Variants in RSPH3 observed in about 807,000 individuals in gnomAD.
The protein encoded by RSPH3 is radial spoke head 3.
Under a neutral mutation model 43.8 loss-of-function variants are expected in RSPH3, and 21 were observed. That is an observed-to-expected ratio of 0.48 (90% CI 0.34 to 0.69). The LOEUF (loss-of-function observed/expected upper bound fraction) is 0.69. Among genes scored for constraint, RSPH3 ranks in the 30% least tolerant of loss-of-function variants. The probability of loss-of-function intolerance (pLI) is 0.01; values close to 1 mark genes in which losing one functional copy is unlikely to be tolerated. For synonymous variants in RSPH3, 173 were observed against 179.8 expected (o/e 0.96, Z 0.30); for missense variants, 487 against 516.0 (o/e 0.94, Z 0.54).
rs756661840 is a variant in RSPH3 at position 158,977,745 on chromosome 6, T to C, written c.1050A>G (p.Ala350=). ...CAGAGGCCTCCAGTGACTCTGTCAT[T>C]GCTCCAGGACCACCAGGCTCATCCT... ...EPEDEPGGPG[A]MTESLEASEF... Residue 350 remains alanine (A), a synonymous_variant, in exon 8 of 8, where the codon GCA becomes GCG. Coordinates refer to ENST00000367069, the MANE Select transcript of RSPH3 (RefSeq NM_031924.8). 3.7e-6 allele frequency: 6 copies of C among 1,614,178 alleles called. No individual in the cohort carries two copies. In the South Asian group the frequency reaches 5.5e-5, roughly 15 times the overall value.
rs1018821122 is a variant in RSPH3 at position 158,989,196 on chromosome 6, G to A, written c.205-2775C>T. ...CAAGTAGCTGGGATTACAGGTGCCCGCCACCATGCCTGGCTAATTTTTGTA... is the reference window on the plus strand; with the variant it reads ...CAAGTAGCTGGGATTACAGGTGCCCACCACCATGCCTGGCTAATTTTTGTA... On this transcript the variant is annotated intron_variant, in intron 2 of 7. Transcript: ENST00000367069. This position sits in a 1 kb window ranked among gnomAD's most constrained non-coding sequence, Gnocchi z 4.3. Among the ~76,000 whole-genome samples the A allele has an allele frequency of 3.9e-5, 6 of 151,920 alleles. No individual in the cohort carries two copies. Among genetic ancestry groups the A allele is most frequent in the Non-Finnish European group, 7.4e-5 (5 of 67,966 alleles).
intron 3 of RSPH3, among the ~76,000 whole-genome samples, chr6:158,985,388 T>A (rs933761363): frequency 2.6e-5 from 4 of 152,214 alleles, no homozygotes; most frequent in African/African-American, 9.6e-5. Context: ...TGTTGGGCTA[T>A]GAGAAAGGAT....
At chr6:158,965,597 A>G in the RSPH3 span, among the ~76,000 whole-genome samples, 17 of 152,084 alleles carry the variant, frequency 1.1e-4, no homozygotes, top group Non-Finnish European at 2.4e-4. Flanking sequence ...TTCATTGCCA[A>G]TGTATAAAAA....
At chr6:158,980,320 C>T (rs891222795) in intron 6 of RSPH3, among the ~76,000 whole-genome samples, 1 of 151,882 alleles carries the variant, frequency 6.6e-6, no homozygotes, top group African/African-American at 2.4e-5. Flanking sequence ...CTCAGCTACT[C>T]GGAAGGCCGA....
intron 2 of RSPH3, among the ~76,000 whole-genome samples, chr6:158,992,457 G>GT (rs35383020): frequency 0.088 from 11,269 of 127,836 alleles, 612 homozygotes; most frequent in African/African-American, 0.13. Flanking sequence ...TTTTTGTGGG[G>GT]TTTTTTTTTT....
chr6:158,977,348 A>G lies in RSPH3; in HGVS notation c.*190T>C. 1 of 545,420 alleles carries G rather than the reference A, an allele frequency of 1.8e-6. No individual in the cohort carries two copies. Among genetic ancestry groups the G allele is most frequent in the Non-Finnish European group, 3.2e-6 (1 of 312,296 alleles). 33.8% of individuals were successfully genotyped at this position (545,420 alleles called of 1,614,324 possible). Reference sequence around the variant, plus strand: ...ATATAGCCTTTGAATATTCTATTAAATAAATGAATTCAATTTAAGTTTCAT... The same window carrying G: ...ATATAGCCTTTGAATATTCTATTAAGTAAATGAATTCAATTTAAGTTTCAT... On this transcript the variant is annotated 3_prime_UTR_variant, in exon 8 of 8. Coordinates refer to ENST00000367069, the MANE Select transcript of RSPH3 (RefSeq NM_031924.8).
the RSPH3 span, among the ~76,000 whole-genome samples, chr6:158,964,336 G>A: frequency 1.3e-5 from 2 of 152,152 alleles, no homozygotes; most frequent in Non-Finnish European, 2.9e-5. Flanking sequence ...AAGGATCAAT[G>A]GGATTAGATG....
the RSPH3 span, among the ~76,000 whole-genome samples, chr6:158,964,060 A>T: frequency 2.0e-5 from 3 of 152,210 alleles, no homozygotes; most frequent in Non-Finnish European, 4.4e-5. Context: ...ACCCTATTCA[A>T]ACAATGAGGG....
At chr6:158,981,036 A>G in intron 5 of RSPH3, 100 bp from the exon 6 acceptor site, 1 of 1,155,474 alleles carries the variant, frequency 8.7e-7, no homozygotes, top group Non-Finnish European at 1.2e-6. Flanking sequence ...TTATCAAAAA[A>G]TGGACAGCGA....
intron 2 of RSPH3, among the ~76,000 whole-genome samples, chr6:158,992,072 T>G (rs1171101121): frequency 6.7e-5 from 10 of 148,962 alleles, no homozygotes; most frequent in African/African-American, 2.0e-4. Context: ...TTTTTTTTTG[T>G]AGACAGGGTC....
intron 6 of RSPH3, 29 bp downstream of exon 6, chr6:158,980,745 A>G (rs1562559583): frequency 1.3e-6 from 2 of 1,578,882 alleles, no homozygotes; most frequent in Non-Finnish European, 1.7e-6. Flanking sequence ...TATTACAACA[A>G]AATTAATCTA....
At chr6:158,963,342 C>T in the RSPH3 span, among the ~76,000 whole-genome samples, 2 of 138,822 alleles carry the variant, frequency 1.4e-5, no homozygotes, top group African/African-American at 5.2e-5. Flanking sequence ...CTTCCTTCTC[C>T]TTCCTTCCTT....
Position 158,977,632 on chromosome 6 carries a change from G to A in RSPH3, c.1163C>T (p.Ser388Phe). ...CTCTTCCATAAACTTCCTTTCCTGG[G>A]ATGACCTTCTGTCATATGTTGTTCT... ...LQRTTYDRRS[S>F]QERKFMEERE... The change falls in exon 8 of 8, where the codon TCC (serine) becomes TTC (phenylalanine). Residue 388 changes from serine to phenylalanine, a missense_variant. Physicochemically the swap from Ser to Phe is radical, Grantham distance 155. Transcript: ENST00000367069. 6.2e-7 allele frequency: 1 copy of A among 1,614,048 alleles called. No individual in the cohort carries two copies.
Position 158,999,789 on chromosome 6 carries a change from C to T in RSPH3, c.-239G>A, listed in dbSNP as rs1778795413. On this transcript the variant is annotated 5_prime_UTR_variant, in exon 1 of 8. It introduces an in-frame stop codon into an upstream open reading frame of the 5' UTR. Transcript: ENST00000367069. ...AGCTGCGGGGGCCGCATCGGTTGCC[C>T]AGCAACCCAGGGTTCTGTCTGGGGG... is the stretch of plus-strand genomic sequence containing the variant. 1.2e-6 allele frequency: 2 copies of T among 1,612,348 alleles called. No homozygotes were observed.
Position 158,974,365 on chromosome 6 carries a change from C to A in RSPH3, c.*3173G>T, listed in dbSNP as rs1777775414. ...TCAAACTGTTATGATGGTCCCATAA[C>A]CATCTGAATGTTAATAGTACCCATT... On this transcript the variant is annotated 3_prime_UTR_variant, in exon 8 of 8. Coordinates refer to ENST00000367069, the MANE Select transcript of RSPH3 (RefSeq NM_031924.8). 1 of 152,144 alleles carries A rather than the reference C, an allele frequency of 6.6e-6. No individual in the cohort carries two copies. The highest frequency in any genetic ancestry group is 6.5e-5 in the Admixed American group (1 of 15,274). The allele number at this position is 152,144 out of a possible 1,614,324, so 9.4% of individuals were successfully genotyped here.
At position 158,973,854 on chromosome 6, in the gene RSPH3, G is replaced by T. The variant is rs1169271886; in HGVS notation, c.*3684C>A. 6.6e-6 allele frequency: 1 copy of T among 150,886 alleles called. No homozygotes were observed. The highest frequency in any genetic ancestry group is 1.5e-5 in the Non-Finnish European group (1 of 67,808). The allele number at this position is 150,886 out of a possible 1,614,324, so 9.3% of individuals were successfully genotyped here. A position where few individuals can be genotyped will look rare whatever the true frequency, so the allele number is the denominator to read the frequency against. On this transcript the variant is annotated 3_prime_UTR_variant, in exon 8 of 8. Coordinates refer to ENST00000367069, the MANE Select transcript of RSPH3 (RefSeq NM_031924.8). ...CTTTCTTTTTTTTTTTTTTGAGACG[G>T]AGTCTTGCTCTGTCACCGGGCTGGA...
In RSPH3 at chr6:159,000,195, C is replaced by G. The variant is rs916209081; in HGVS notation, c.-645G>C. On this transcript the variant is annotated 5_prime_UTR_variant, in exon 1 of 8. Coordinates refer to ENST00000367069, the MANE Select transcript of RSPH3 (RefSeq NM_031924.8). ...CTCCCAGCTCTGTTACGTGCCCGGGCGGGGAAGAGCTTCCTGGTGTCTCCC... is the reference window on the plus strand; with the variant it reads ...CTCCCAGCTCTGTTACGTGCCCGGGGGGGGAAGAGCTTCCTGGTGTCTCCC... The G allele has an allele frequency of 3.8e-6, 2 of 525,360 alleles. No homozygotes were observed. The highest frequency in any genetic ancestry group is 2.0e-5 in the African/African-American group (1 of 50,332). The allele number at this position is 525,360 out of a possible 1,614,324, so 32.5% of individuals were successfully genotyped here.
intron 2 of RSPH3, among the ~76,000 whole-genome samples, chr6:158,993,032 C>T (rs1778469943): frequency 6.6e-6 from 1 of 152,150 alleles, no homozygotes; most frequent in Non-Finnish European, 1.5e-5. Flanking sequence ...ACTATTTGAA[C>T]TGGTCTGTAA....
At chr6:158,993,170 T>C (rs1257431094) in intron 2 of RSPH3, among the ~76,000 whole-genome samples, 1 of 151,864 alleles carries the variant, frequency 6.6e-6, no homozygotes, top group Non-Finnish European at 1.5e-5. Flanking sequence ...CAGACTGGAG[T>C]GCAGTGGTGC....
Sources: gnomAD v4.1 joint callset for allele counts (sites outside exome capture counted in the v4.1 genomes callset) on GRCh38, gnomAD v4.1.1 for gene constraint, Gnocchi (gnomAD v3.1) non-coding constraint, MANE v1.5 for transcripts, NCBI Gene and HGNC (gene_info 2026-07-23, HGNC 2026-07-21) for gene names.